Variants in SLC7A1 observed in about 807,000 individuals in gnomAD.
SLC7A1 encodes solute carrier family 7 member 1.
A neutral mutation model predicts 53.9 loss-of-function variants in SLC7A1; 10 were observed. The observed-to-expected ratio is 0.19, with a 90% CI of 0.11 to 0.31. The LOEUF is 0.31. Ranked by LOEUF, SLC7A1 falls within the 10% of genes least tolerant of loss-of-function variation. The pLI, the probability that SLC7A1 is intolerant of heterozygous loss-of-function variation, is 1.00. For synonymous variants in SLC7A1, 342 were observed against 338.7 expected (o/e 1.01, Z -0.11); for missense variants, 525 against 827.2 (o/e 0.63, Z 4.48).
chr13:29,569,005 C>G (rs1406851626), intron 1 of SLC7A1, among the ~76,000 whole-genome samples: 1 of 152,160 alleles, frequency 6.6e-6, no homozygotes, highest in Non-Finnish European at 1.5e-5. Context: ...ACTTTGATTC[C>G]ATTTTAAGAA....
chr13:29,566,618 G>A (rs1169058075), intron 1 of SLC7A1, among the ~76,000 whole-genome samples: 1 of 152,120 alleles, frequency 6.6e-6, no homozygotes, highest in African/African-American at 2.4e-5. Context: ...GCTACGGGTG[G>A]GGAATGACTG....
At chr13:29,552,731 T>C (rs1175084046) in intron 2 of SLC7A1, among the ~76,000 whole-genome samples, 1 of 152,242 alleles carries the variant, frequency 6.6e-6, no homozygotes, top group Non-Finnish European at 1.5e-5. Flanking sequence ...CTATAATCTA[T>C]AGAAATAATG....
rs577041501 is a variant in SLC7A1 at position 29,568,974 on chromosome 13, A to T, written c.-114-15114T>A. 4.6e-5 allele frequency among the ~76,000 whole-genome samples: 7 copies of T among 152,344 alleles called. No homozygotes were observed. In the East Asian group the frequency reaches 1.2e-3, roughly 25 times the overall value. ...AACAAGCCACCAGCTTAAATTCATC[A>T]AAACGGGTCTCTGTCCAGTCACTTT... On this transcript the variant is annotated intron_variant, in intron 1 of 12. Transcript: ENST00000380752.
At position 29,536,672 on chromosome 13, in the gene SLC7A1, C is replaced by T. The variant is rs1869434656; in HGVS notation, c.-14-470G>A. Among the ~76,000 whole-genome samples the T allele has an allele frequency of 1.3e-5, 2 of 152,196 alleles. 1 individual carries two copies. The highest frequency in any genetic ancestry group is 4.1e-4 in the South Asian group (2 of 4,830). ...TTATTAAATTATTAAAACTCAGAGGCCCTGAATGGCAATAACAATGTTTTT... is the reference window on the plus strand; with the variant it reads ...TTATTAAATTATTAAAACTCAGAGGTCCTGAATGGCAATAACAATGTTTTT... On this transcript the variant is annotated intron_variant, in intron 2 of 12. Transcript: ENST00000380752.
At chr13:29,592,713 A>G (rs1347842806) in intron 1 of SLC7A1, among the ~76,000 whole-genome samples, 1 of 152,202 alleles carries the variant, frequency 6.6e-6, no homozygotes, top group African/African-American at 2.4e-5. Flanking sequence ...ATAATCTGCC[A>G]CAAATGAAGC....
intron 2 of SLC7A1, among the ~76,000 whole-genome samples, chr13:29,546,190 C>A (rs536119764): frequency 2.0e-5 from 3 of 152,310 alleles, no homozygotes; most frequent in African/African-American, 7.2e-5. Flanking sequence ...GAGCCAGAAC[C>A]AACCAGGGAG....
At chr13:29,573,475 G>A (rs1871282520) in intron 1 of SLC7A1, among the ~76,000 whole-genome samples, 1 of 152,162 alleles carries the variant, frequency 6.6e-6, no homozygotes, top group Admixed American at 6.5e-5. Context: ...AGAGTCCAAA[G>A]GCAGACGGAC....
chr13:29,546,703 C>G (rs1240632819), intron 2 of SLC7A1, among the ~76,000 whole-genome samples: 1 of 152,152 alleles, frequency 6.6e-6, no homozygotes, highest in Admixed American at 6.5e-5. Context: ...CCCACCATCA[C>G]GAGCAACTTT....
intron 1 of SLC7A1, among the ~76,000 whole-genome samples, chr13:29,580,226 A>C (rs1019094725): frequency 6.6e-6 from 1 of 152,132 alleles, no homozygotes; most frequent in Non-Finnish European, 1.5e-5. Flanking sequence ...GTGACTGCTG[A>C]GGGGCCAGTG....
At chr13:29,518,727 G>A (rs1054397891) in intron 9 of SLC7A1, among the ~76,000 whole-genome samples, 2 of 152,108 alleles carry the variant, frequency 1.3e-5, no homozygotes, top group African/African-American at 4.8e-5. Flanking sequence ...GGCCTTGCAG[G>A]TGGGAATCCC....
chr13:29,523,130 G>A (rs1868707360), intron 7 of SLC7A1, 136 bp downstream of exon 7: 3 of 714,316 alleles, frequency 4.2e-6, no homozygotes, highest in Non-Finnish European at 7.3e-6. Flanking sequence ...AGCTGGGTTG[G>A]GTACTGGGTC....
chr13:29,534,306 C>T (rs965895780), intron 3 of SLC7A1, among the ~76,000 whole-genome samples: 1 of 152,208 alleles, frequency 6.6e-6, no homozygotes, highest in African/African-American at 2.4e-5. Context: ...CAGAGCCTTA[C>T]ATTTGTTGGT....
intron 2 of SLC7A1, among the ~76,000 whole-genome samples, chr13:29,539,740 A>G (rs1266747699): frequency 6.6e-6 from 1 of 152,166 alleles, no homozygotes; most frequent in Non-Finnish European, 1.5e-5. Context: ...GGACCCCTAC[A>G]GGAGATTACT....
rs551366123 is a variant in SLC7A1, at chr13:29,526,449, G to A, written c.705-2196C>T. Among the ~76,000 whole-genome samples the A allele has an allele frequency of 4.7e-4, 71 of 152,148 alleles. 1 individual carries two copies. The highest frequency in any genetic ancestry group is 3.4e-3 in the Middle Eastern group (1 of 294). On this transcript the variant is annotated intron_variant, in intron 5 of 12. Coordinates refer to ENST00000380752, the MANE Select transcript of SLC7A1 (RefSeq NM_003045.5). ...ATTGTGCCACTGCACCCCAGCCTGC[G>A]CAACTGCACCCCAGCCTGTGCAACA... is the stretch of plus-strand genomic sequence containing the variant.
intron 1 of SLC7A1, among the ~76,000 whole-genome samples, chr13:29,580,359 G>A (rs908488751): frequency 2.0e-5 from 3 of 152,210 alleles, no homozygotes; most frequent in South Asian, 4.1e-4. Flanking sequence ...AAGAGTCCAG[G>A]ATTCCTACAC....
intron 1 of SLC7A1, among the ~76,000 whole-genome samples, chr13:29,554,945 T>C (rs1244026623): frequency 2.6e-5 from 4 of 152,256 alleles, no homozygotes; most frequent in African/African-American, 9.6e-5. Context: ...TTTAATGTTT[T>C]GCCATATTTG....
chr13:29,556,559 T>C (rs965872484), intron 1 of SLC7A1, among the ~76,000 whole-genome samples: 1 of 152,104 alleles, frequency 6.6e-6, no homozygotes, highest in Non-Finnish European at 1.5e-5. Flanking sequence ...TTGTATTTTT[T>C]GTAGAAACAG....
chr13:29,561,973 A>C (rs1870779262), intron 1 of SLC7A1, among the ~76,000 whole-genome samples: 2 of 152,244 alleles, frequency 1.3e-5, no homozygotes, highest in Admixed American at 1.3e-4. Context: ...AGATTTATCC[A>C]GACTCTTGTT....
chr13:29,545,984 G>A (rs1869905367), intron 2 of SLC7A1, among the ~76,000 whole-genome samples: 1 of 152,212 alleles, frequency 6.6e-6, no homozygotes, highest in Non-Finnish European at 1.5e-5. Flanking sequence ...CAGGAGAGAC[G>A]CCCACGCCCT....
Sources: allele counts gnomAD v4.1 joint callset (sites outside exome capture counted in the v4.1 genomes callset), GRCh38; gene constraint gnomAD v4.1.1; transcripts MANE v1.5; gene names NCBI Gene and HGNC (gene_info 2026-07-23, HGNC 2026-07-21).